The following NOVA1 variants were observed in gnomAD, a reference collection of about 807,000 sequenced individuals.
NOVA1 encodes the protein RNA-binding protein Nova-1.
NOVA1 carries 7 observed loss-of-function variants against 38.0 expected under a neutral mutation model. That is an observed-to-expected ratio of 0.18 (90% CI 0.10 to 0.35). The LOEUF is 0.35. NOVA1 is among the 10% of genes least tolerant of loss of function. The probability of loss-of-function intolerance (pLI) is 1.00; values close to 1 mark genes in which losing one functional copy is unlikely to be tolerated. For synonymous variants in NOVA1, 270 were observed against 232.5 expected, an observed-to-expected ratio of 1.16 and a Z score of -1.47; for missense variants, 460 against 616.0, an observed-to-expected ratio of 0.75 and a Z score of 2.68.
intron 2 of NOVA1, among the ~76,000 whole-genome samples, chr14:26,590,505 A>G (rs1893778811): frequency 6.6e-6 from 1 of 151,876 alleles, no homozygotes; most frequent in Non-Finnish European, 1.5e-5. Flanking sequence ...TAGTCAATAA[A>G]TGTCATTTGT....
chr14:26,454,343 C>T (rs901120754), intron 4 of NOVA1, among the ~76,000 whole-genome samples: 4 of 152,154 alleles, frequency 2.6e-5, no homozygotes, highest in Middle Eastern at 3.4e-3. Flanking sequence ...GAGCACATGA[C>T]GCAGGATGGC....
intron 2 of NOVA1, among the ~76,000 whole-genome samples, chr14:26,517,066 C>T (rs1054706259): frequency 2.6e-5 from 4 of 152,044 alleles, no homozygotes; most frequent in East Asian, 1.9e-4. Context: ...CCACCATGCC[C>T]GACTAATTTT....
intron 2 of NOVA1, among the ~76,000 whole-genome samples, chr14:26,495,602 C>T (rs1202942372): frequency 2.4e-4 from 35 of 147,398 alleles, no homozygotes; most frequent in Non-Finnish European, 4.6e-4. Flanking sequence ...CCCACTAACT[C>T]ATCATCTAGC....
intron 3 of NOVA1, among the ~76,000 whole-genome samples, chr14:26,475,950 T>A (rs921471934): frequency 6.6e-6 from 1 of 152,124 alleles, no homozygotes; most frequent in Admixed American, 6.5e-5. Context: ...CTGGTATTTA[T>A]AGGCAAAGTG....
chr14:26,491,185 T>G (rs940028180), intron 2 of NOVA1, among the ~76,000 whole-genome samples: 1 of 151,974 alleles, frequency 6.6e-6, no homozygotes, highest in African/African-American at 2.4e-5. Context: ...AAAAAAATTT[T>G]TTTTGAGATG....
At chr14:26,480,191 A>T (rs762163976) in intron 2 of NOVA1, 48 bp from the exon 3 acceptor site, 3 of 1,514,382 alleles carry the variant, frequency 2.0e-6, no homozygotes, top group South Asian at 1.2e-5. Context: ...ACTTTGCATT[A>T]AAAAAATTAT....
intron 4 of NOVA1, chr14:26,470,475 A>G: frequency 6.4e-7 from 1 of 1,554,838 alleles, no homozygotes; most frequent in East Asian, 2.3e-5. Flanking sequence ...CATGATATCC[A>G]GGAGATATTA....
chr14:26,482,324 A>G (rs1454721141), intron 2 of NOVA1, among the ~76,000 whole-genome samples: 3 of 152,192 alleles, frequency 2.0e-5, no homozygotes, highest in South Asian at 2.1e-4. Context: ...AGGAGATTCT[A>G]TATCTACCAC....
At chr14:26,572,628 G>C (rs371639623) in intron 2 of NOVA1, among the ~76,000 whole-genome samples, 2 of 151,954 alleles carry the variant, frequency 1.3e-5, no homozygotes, top group South Asian at 4.2e-4. Context: ...TGTGTCACAA[G>C]AACAAAGGAA....
At chr14:26,574,509 C>T (rs1484617105) in intron 2 of NOVA1, among the ~76,000 whole-genome samples, 1 of 152,012 alleles carries the variant, frequency 6.6e-6, no homozygotes, top group Non-Finnish European at 1.5e-5. Context: ...ATCCTTCTCT[C>T]CCATGACGTC....
rs1473236520 is a variant in NOVA1, at chr14:26,446,078, T to C, written c.*1881A>G. ...CTCTTTCATTTAAACAAGCATATCA[T>C]TCCCTTTTAAAATCATTCTCTAAAT... On this transcript the variant is annotated 3_prime_UTR_variant, in exon 5 of 5. Coordinates refer to ENST00000539517, the MANE Select transcript of NOVA1 (RefSeq NM_002515.3). 6.6e-6 allele frequency: 1 copy of C among 152,468 alleles called. No homozygotes were observed. The highest frequency in any genetic ancestry group is 2.1e-4 in the South Asian group (1 of 4,824). The allele number at this position is 152,468 out of a possible 1,614,324, so 9.4% of individuals were successfully genotyped here.
At chr14:26,559,860 A>G (rs1891714394) in intron 2 of NOVA1, among the ~76,000 whole-genome samples, 1 of 148,946 alleles carries the variant, frequency 6.7e-6, no homozygotes, top group Non-Finnish European at 1.5e-5. Context: ...ATTACAAAAG[A>G]ATAGTTTGAA....
intron 2 of NOVA1, among the ~76,000 whole-genome samples, chr14:26,501,461 A>G (rs1887236054): frequency 6.6e-6 from 1 of 152,040 alleles, no homozygotes; most frequent in Non-Finnish European, 1.5e-5. Context: ...TATACAGACA[A>G]GCTATTATTT....
rs1373661148 is a variant in NOVA1 at position 26,597,941 on chromosome 14, C to T, written c.-505G>A. 2.6e-5 allele frequency among the ~76,000 whole-genome samples: 4 copies of T among 151,398 alleles called. No individual in the cohort carries two copies. The highest frequency in any genetic ancestry group is 5.9e-5 in the Non-Finnish European group (4 of 67,786). ...AGCGAGCGGCAGAGGAGGGCAGGAG[C>T]CGGGAAGGAGCGCGGCGGTCCCCGC... On this transcript the variant is annotated 5_prime_UTR_variant, in exon 1 of 5. Transcript: ENST00000539517.
At chr14:26,482,817 G>A (rs1291549771) in intron 2 of NOVA1, among the ~76,000 whole-genome samples, 1 of 151,962 alleles carries the variant, frequency 6.6e-6, no homozygotes, top group Non-Finnish European at 1.5e-5. Flanking sequence ...CTCATGCCTT[G>A]GCCCTCCAAG....
At chr14:26,519,432 G>GTC (rs1888711510) in intron 2 of NOVA1, 1 of 152,126 alleles carries the variant, frequency 6.6e-6, no homozygotes, top group Admixed American at 6.6e-5. Flanking sequence ...CTAAGAATAG[G>GTC]TAGAGTAGGG....
At chr14:26,465,658 T>C (rs1357426600) in intron 4 of NOVA1, among the ~76,000 whole-genome samples, 1 of 152,228 alleles carries the variant, frequency 6.6e-6, no homozygotes, top group African/African-American at 2.4e-5. Context: ...TTTATATTGT[T>C]AGAGAGAATT....
chr14:26,530,359 A>G (rs937171169), intron 2 of NOVA1, among the ~76,000 whole-genome samples: 1 of 152,220 alleles, frequency 6.6e-6, no homozygotes, highest in Non-Finnish European at 1.5e-5. Flanking sequence ...ATGAATGAAG[A>G]AAGTATCAAC....
intron 2 of NOVA1, among the ~76,000 whole-genome samples, chr14:26,520,431 C>T (rs903785960): frequency 3.4e-4 from 52 of 152,248 alleles, no homozygotes; most frequent in Middle Eastern, 3.4e-3. Flanking sequence ...CACATCATTT[C>T]CTTCTGGCAC....
Sources: allele counts gnomAD v4.1 joint callset (sites outside exome capture counted in the v4.1 genomes callset), GRCh38; gene constraint gnomAD v4.1.1; transcripts MANE v1.5; gene names NCBI Gene and HGNC (gene_info 2026-07-23, HGNC 2026-07-21).